PTN: variants seen among roughly 807,000 people sequenced by gnomAD.
PTN encodes the protein heparin affin regulatory protein.
A neutral mutation model predicts 24.1 loss-of-function variants in PTN; 18 were observed. The ratio of observed to expected loss-of-function variants is 0.75; its 90% confidence interval spans 0.52 to 1.11. The LOEUF is 1.11. PTN is among the 50% of genes least tolerant of loss of function. The pLI is 0.00. For missense variants in PTN, 163 were observed against 198.8 expected, an observed-to-expected ratio of 0.82 and a Z score of 1.08; for synonymous variants, 78 against 68.6, an observed-to-expected ratio of 1.14 and a Z score of -0.67.
chr7:137,252,092 G>A (rs537395500), intron 3 of PTN, among the ~76,000 whole-genome samples: 10 of 151,916 alleles, frequency 6.6e-5, no homozygotes, highest in Middle Eastern at 3.4e-3. Context: ...GTTTCATTTC[G>A]TAAAAAACTG....
intron 1 of PTN, 34 bp downstream of exon 1, chr7:137,343,405 G>GC (rs1473205857): frequency 2.0e-6 from 1 of 491,262 alleles, no homozygotes; most frequent in Non-Finnish European, 4.1e-6. Context: ...CGATCGAAGA[G>GC]CCCTCCGAGA....
At chr7:137,268,820 A>G (rs565879751) in intron 1 of PTN, among the ~76,000 whole-genome samples, 1 of 152,314 alleles carries the variant, frequency 6.6e-6, no homozygotes. Context: ...ATATAAAACA[A>G]TATGAGAGGG....
At chr7:137,293,831 T>C (rs912255314) in intron 1 of PTN, among the ~76,000 whole-genome samples, 3 of 152,130 alleles carry the variant, frequency 2.0e-5, no homozygotes, top group African/African-American at 4.8e-5. Context: ...CTTGGTGTCG[T>C]ACATTCTATG....
intron 1 of PTN, among the ~76,000 whole-genome samples, chr7:137,285,477 C>T (rs1809538468): frequency 6.6e-6 from 1 of 152,054 alleles, no homozygotes; most frequent in African/African-American, 2.4e-5. Flanking sequence ...ACCAGCCTGG[C>T]CAACACGGTA....
At chr7:137,231,059 A>G (rs977904810) in intron 4 of PTN, among the ~76,000 whole-genome samples, 7 of 151,746 alleles carry the variant, frequency 4.6e-5, no homozygotes, top group African/African-American at 1.7e-4. Context: ...GTGAGTTAGA[A>G]GTTGTTTCTC....
At position 137,262,423 on chromosome 7, in the gene PTN, A is replaced by G. The variant is rs1809057706; in HGVS notation, c.-1-7449T>C. Among the ~76,000 whole-genome samples the G allele has an allele frequency of 2.0e-5, 3 of 151,706 alleles. No homozygotes were observed. The South Asian group carries it at 6.3e-4, about 32-fold the overall frequency. ...TCCCAGTTTTGTCACCTCATTGCTG[A>G]GTTTTCTAATTATAATTTGTGATGC... On this transcript the variant is annotated intron_variant, in intron 1 of 4. Coordinates refer to ENST00000348225, the MANE Select transcript of PTN (RefSeq NM_002825.7).
chr7:137,255,391 G>A (rs564880000), intron 1 of PTN, among the ~76,000 whole-genome samples: 3 of 152,282 alleles, frequency 2.0e-5, no homozygotes, highest in East Asian at 3.9e-4. Flanking sequence ...TGATACTGCT[G>A]TACACAAGAC....
At chr7:137,234,829 G>T (rs1293885018) in intron 4 of PTN, among the ~76,000 whole-genome samples, 3 of 152,066 alleles carry the variant, frequency 2.0e-5, no homozygotes, top group Non-Finnish European at 4.4e-5. Flanking sequence ...GAGATGAAAT[G>T]ATTTCAGATT....
chr7:137,228,164 T>A, intron 4 of PTN, 89 bp from the exon 5 acceptor site: 1 of 817,288 alleles, frequency 1.2e-6, no homozygotes, highest in Admixed American at 2.0e-5. Context: ...ACATTTCTTA[T>A]AATTGACCAG....
intron 1 of PTN, among the ~76,000 whole-genome samples, chr7:137,295,427 A>G (rs919581): frequency 0.13 from 20,088 of 152,108 alleles, 1,646 homozygotes; most frequent in South Asian, 0.21. Flanking sequence ...CTGCCTGGCC[A>G]GGATGAAATT....
intron 4 of PTN, among the ~76,000 whole-genome samples, chr7:137,233,963 T>A (rs774137777): frequency 6.7e-6 from 1 of 149,874 alleles, no homozygotes; most frequent in Non-Finnish European, 1.5e-5. Flanking sequence ...CGTATACATA[T>A]ACATATATAT....
At chr7:137,293,006 A>G (rs113561497) in intron 1 of PTN, among the ~76,000 whole-genome samples, 5 of 152,310 alleles carry the variant, frequency 3.3e-5, no homozygotes, top group African/African-American at 1.2e-4. Flanking sequence ...TTTAATTTCT[A>G]ATTACCTTCT....
chr7:137,341,922 T>C (rs1810540655), intron 1 of PTN, among the ~76,000 whole-genome samples: 1 of 152,156 alleles, frequency 6.6e-6, no homozygotes, highest in Non-Finnish European at 1.5e-5. Flanking sequence ...ATATTGCCAG[T>C]CTGAAATAAC....
At chr7:137,253,328 G>C (rs2128871258) in intron 3 of PTN, 136 bp downstream of exon 3, 1 of 892,756 alleles carries the variant, frequency 1.1e-6, no homozygotes, top group East Asian at 2.9e-5. Context: ...CCTGAAATGG[G>C]ACCAGTCTGG....
chr7:137,342,964 C>T (rs1334813464), intron 1 of PTN, among the ~76,000 whole-genome samples: 1 of 152,060 alleles, frequency 6.6e-6, no homozygotes, highest in Non-Finnish European at 1.5e-5. Context: ...CCTAGAAATG[C>T]CAGCTAAGAG....
At position 137,312,707 on chromosome 7, in the gene PTN, T is replaced by C. The variant is rs775509093; in HGVS notation, c.-2+30732A>G. Among the ~76,000 whole-genome samples the C allele has an allele frequency of 2.6e-5, 4 of 152,068 alleles. 1 individual carries two copies. Among genetic ancestry groups the C allele is most frequent in the Admixed American group, 2.6e-4 (4 of 15,260 alleles). ...AAAAAGTAAGAAAAAGGCTAGAAAA[T>C]GCCAATTTTTAAAATAAAAAAATTG... On this transcript the variant is annotated intron_variant, in intron 1 of 4. Transcript: ENST00000348225.
At chr7:137,297,585 G>A (rs1244998354) in intron 1 of PTN, among the ~76,000 whole-genome samples, 1 of 152,030 alleles carries the variant, frequency 6.6e-6, no homozygotes, top group East Asian at 1.9e-4. Context: ...AATCTACAGA[G>A]AGAAGGAGAG....
chr7:137,242,858 G>A (rs573840471), intron 4 of PTN, among the ~76,000 whole-genome samples: 11 of 152,312 alleles, frequency 7.2e-5, no homozygotes, highest in Admixed American at 4.6e-4. Flanking sequence ...GGGTCCATCC[G>A]GCAGGGATGC....
chr7:137,302,517 G>T (rs1295111382), intron 1 of PTN, among the ~76,000 whole-genome samples: 1 of 151,912 alleles, frequency 6.6e-6, no homozygotes, highest in African/African-American at 2.4e-5. Context: ...AAAGAACTGG[G>T]TTTATTACCA....
Sources: gnomAD v4.1 joint callset for allele counts (sites outside exome capture counted in the v4.1 genomes callset) on GRCh38, gnomAD v4.1.1 for gene constraint, MANE v1.5 for transcripts, NCBI Gene and HGNC (gene_info 2026-07-23, HGNC 2026-07-21) for gene names.